The following NEGR1 variants were observed in gnomAD, a reference collection of about 807,000 sequenced individuals.
The protein encoded by NEGR1 is neuronal growth regulator 1, also known as IgLON family member 4.
A neutral mutation model predicts 40.9 loss-of-function variants in NEGR1; 10 were observed. The observed-to-expected ratio is 0.24, with a 90% CI of 0.15 to 0.42. The LOEUF (loss-of-function observed/expected upper bound fraction) is 0.42, where lower values mean the gene tolerates loss of function less well. Ranked by LOEUF, NEGR1 falls within the 10% of genes least tolerant of loss-of-function variation. The pLI, the probability that NEGR1 is intolerant of heterozygous loss-of-function variation, is 1.00. For synonymous variants in NEGR1, 185 were observed against 166.8 expected (o/e 1.11, Z -0.84); for missense variants, 352 against 438.9 (o/e 0.80, Z 1.77).
intron 1 of NEGR1, among the ~76,000 whole-genome samples, chr1:72,169,261 C>A (rs1651877520): frequency 6.6e-6 from 1 of 151,994 alleles, no homozygotes; most frequent in African/African-American, 2.4e-5. Flanking sequence ...AGATGTAAAT[C>A]AGATCTTTCA....
intron 1 of NEGR1, among the ~76,000 whole-genome samples, chr1:72,131,869 G>A (rs939986149): frequency 3.3e-5 from 5 of 152,236 alleles, no homozygotes; most frequent in South Asian, 4.2e-4. Flanking sequence ...GGCTGAGATG[G>A]GAGGATCACC....
intron 6 of NEGR1, among the ~76,000 whole-genome samples, chr1:71,514,356 C>T (rs1409208131): frequency 1.2e-4 from 9 of 74,302 alleles, no homozygotes; most frequent in Non-Finnish European, 2.6e-5. Context: ...AGTGGTTCTC[C>T]CAGCACGCAG....
chr1:71,472,226 C>T (rs889388860), intron 6 of NEGR1, among the ~76,000 whole-genome samples: 3 of 152,130 alleles, frequency 2.0e-5, no homozygotes, highest in Non-Finnish European at 4.4e-5. Flanking sequence ...TATTGGCTAA[C>T]ATAATGGAAC....
At chr1:71,588,851 G>A (rs1024568553) in intron 6 of NEGR1, among the ~76,000 whole-genome samples, 4 of 152,102 alleles carry the variant, frequency 2.6e-5, no homozygotes, top group African/African-American at 9.7e-5. Flanking sequence ...AAATGTTAGG[G>A]TGTTGTATCT....
chr1:71,727,052 G>A (rs565136121), intron 3 of NEGR1, among the ~76,000 whole-genome samples: 2 of 152,144 alleles, frequency 1.3e-5, no homozygotes, highest in African/African-American at 4.8e-5. Context: ...CAAGATGCCA[G>A]AATTCTTGCT....
chr1:71,753,789 TG>T lies in NEGR1; in HGVS notation c.535+22382del, dbSNP rs543958400. Among the ~76,000 whole-genome samples the T allele has an allele frequency of 4.1e-3, 618 of 152,324 alleles. 3 individuals carry two copies. The Middle Eastern group carries it at 0.044, about 11-fold the overall frequency. The stretch of plus-strand genomic sequence containing the variant: ...AACTCTGCGAATCCAACATATGCTC[TG>T]TAACATTTCAGAATGGTGATGGGAG... On this transcript the variant is annotated intron_variant, in intron 3 of 6. Coordinates refer to ENST00000357731, the MANE Select transcript of NEGR1 (RefSeq NM_173808.3).
chr1:72,275,955 G>A (rs971081587), intron 1 of NEGR1, among the ~76,000 whole-genome samples: 7 of 152,002 alleles, frequency 4.6e-5, no homozygotes, highest in African/African-American at 1.4e-4. Flanking sequence ...AATTAGCCAG[G>A]TATGTTAGCA....
intron 2 of NEGR1, among the ~76,000 whole-genome samples, chr1:71,925,233 G>A (rs1482468903): frequency 6.6e-6 from 1 of 152,178 alleles, no homozygotes; most frequent in Non-Finnish European, 1.5e-5. Context: ...CAGAGAAGGG[G>A]TCTACAAATT....
intron 2 of NEGR1, among the ~76,000 whole-genome samples, chr1:71,836,289 T>C (rs1232254228): frequency 2.6e-5 from 4 of 151,732 alleles, no homozygotes; most frequent in Non-Finnish European, 5.9e-5. Context: ...TGGTCTCTAC[T>C]GAAAATACAA....
intron 1 of NEGR1, among the ~76,000 whole-genome samples, chr1:72,000,929 C>T (rs1336141057): frequency 1.3e-5 from 2 of 152,028 alleles, no homozygotes; most frequent in Non-Finnish European, 2.9e-5. Context: ...AGGGAACTTG[C>T]AAAGGAGAGC....
rs781762314 is a variant in NEGR1 at position 71,787,026 on chromosome 1, AAG to A, written c.410-10731_410-10730del. Among the ~76,000 whole-genome samples, 8 of 152,212 alleles carry A rather than the reference AAG, an allele frequency of 5.3e-5. 1 individual carries two copies. Among genetic ancestry groups the A allele is most frequent in the East Asian group, 1.9e-4 (1 of 5,172 alleles). ...CACATGGAGAGACTGTGATAACAGA[AAG>A]AGAGAGAGAGAAAGCTTGGGAAGCA... On this transcript the variant is annotated intron_variant, in intron 2 of 6. Transcript: ENST00000357731.
rs1270402167 is a variant in NEGR1 at position 71,703,973 on chromosome 1, GAAAT to G, written c.536-5838_536-5835del. ...ATCATGTCAAAGAAAAGTAGACAAAGAAATAAAAATCATACAAAAGAATATCATA... is the reference window on the plus strand; with the variant it reads ...ATCATGTCAAAGAAAAGTAGACAAAGAAAAATCATACAAAAGAATATCATA... On this transcript the variant is annotated intron_variant, in intron 3 of 6. Transcript: ENST00000357731. 1.6e-4 allele frequency among the ~76,000 whole-genome samples: 25 copies of G among 151,768 alleles called. No individual in the cohort carries two copies. In the East Asian group the frequency reaches 4.6e-3, roughly 28 times the overall value.
At chr1:71,434,941 A>G (rs1468634373) in intron 6 of NEGR1, among the ~76,000 whole-genome samples, 3 of 152,108 alleles carry the variant, frequency 2.0e-5, no homozygotes, top group African/African-American at 7.2e-5. Flanking sequence ...AATACAAAAA[A>G]TTAGCCCGGC....
intron 2 of NEGR1, among the ~76,000 whole-genome samples, chr1:71,904,670 C>T (rs1212159867): frequency 1.3e-5 from 2 of 152,156 alleles, no homozygotes; most frequent in African/African-American, 4.8e-5. Flanking sequence ...GCTTATACAA[C>T]TGCCTGTTTC....
At chr1:71,663,019 C>T (rs968415811) in intron 4 of NEGR1, among the ~76,000 whole-genome samples, 1 of 151,746 alleles carries the variant, frequency 6.6e-6, no homozygotes, top group Non-Finnish European at 1.5e-5. Flanking sequence ...TGCAGTGGCA[C>T]GATCTCGGCT....
At chr1:72,278,126 C>T (rs1365213704) in intron 1 of NEGR1, among the ~76,000 whole-genome samples, 1 of 152,106 alleles carries the variant, frequency 6.6e-6, no homozygotes, top group Non-Finnish European at 1.5e-5. Flanking sequence ...CAAAAGGCTT[C>T]TTCCGTATTA....
intron 4 of NEGR1, among the ~76,000 whole-genome samples, chr1:71,659,345 C>G (rs1570163275): frequency 6.6e-6 from 1 of 152,238 alleles, no homozygotes; most frequent in Admixed American, 6.5e-5. Context: ...ATGGATTACT[C>G]TTAAGTGTAA....
intron 1 of NEGR1, among the ~76,000 whole-genome samples, chr1:72,094,221 GTTAT>G (rs547755618): frequency 4.6e-5 from 7 of 152,152 alleles, no homozygotes; most frequent in African/African-American, 1.7e-4. Flanking sequence ...TTAGAAAAGG[GTTAT>G]AAAGAAAATT....
intron 2 of NEGR1, among the ~76,000 whole-genome samples, chr1:71,917,779 T>TAA (rs79120253): frequency 1.3e-3 from 153 of 120,440 alleles, no homozygotes; most frequent in Non-Finnish European, 2.5e-3. Flanking sequence ...GACTCCGTCT[T>TAA]AAAAAAAAAA....
Sources: gnomAD v4.1 joint callset for allele counts (sites outside exome capture counted in the v4.1 genomes callset) on GRCh38, gnomAD v4.1.1 for gene constraint, MANE v1.5 for transcripts, NCBI Gene and HGNC (gene_info 2026-07-23, HGNC 2026-07-21) for gene names.